Variants in DLG2 observed in about 807,000 individuals in gnomAD.
DLG2 encodes disks large homolog 2.
In DLG2, 45 loss-of-function variants were observed where a neutral mutation model predicts 132.5. The observed-to-expected ratio is 0.34, with a 90% confidence interval of 0.27 to 0.44. The LOEUF is 0.44. DLG2 is among the 20% of genes least tolerant of loss of function. The pLI is 1.00. For synonymous variants in DLG2, 424 were observed against 419.6 expected, an observed-to-expected ratio of 1.01 and a Z score of -0.13; for missense variants, 1,045 against 1,196.9, an observed-to-expected ratio of 0.87 and a Z score of 1.87.
At chr11:85,542,596 A>C (rs538395216) in intron 3 of DLG2, among the ~76,000 whole-genome samples, 1 of 152,342 alleles carries the variant, frequency 6.6e-6, no homozygotes, top group East Asian at 1.9e-4. Flanking sequence ...CAATACAAAG[A>C]ATCCTGACTT....
chr11:83,798,708 A>G (rs2043499489), intron 17 of DLG2, among the ~76,000 whole-genome samples: 1 of 152,158 alleles, frequency 6.6e-6, no homozygotes, highest in Non-Finnish European at 1.5e-5. Flanking sequence ...CAGGGAAGAA[A>G]TTGGTGTAGG....
intron 4 of DLG2, among the ~76,000 whole-genome samples, chr11:85,161,830 A>C (rs1439478666): frequency 1.3e-5 from 2 of 152,178 alleles, no homozygotes; most frequent in African/African-American, 4.8e-5. Context: ...CAAAGTTCTC[A>C]AGAAGGCTTT....
intron 6 of DLG2, among the ~76,000 whole-genome samples, chr11:84,792,244 G>A (rs1001285437): frequency 6.6e-6 from 1 of 152,200 alleles, no homozygotes; most frequent in East Asian, 1.9e-4. Context: ...TGATTGATTT[G>A]TATATGTTGA....
intron 4 of DLG2, among the ~76,000 whole-genome samples, chr11:85,176,272 A>G (rs2079234638): frequency 1.3e-5 from 2 of 152,186 alleles, no homozygotes; most frequent in South Asian, 4.1e-4. Context: ...AGACACCTAG[A>G]GCAATGGAAC....
At chr11:85,379,897 CT>C (rs1565403953) in intron 3 of DLG2, among the ~76,000 whole-genome samples, 1 of 152,104 alleles carries the variant, frequency 6.6e-6, no homozygotes, top group Non-Finnish European at 1.5e-5. Context: ...AGCTGTTTCT[CT>C]TTTTTTATAT....
intron 11 of DLG2, among the ~76,000 whole-genome samples, chr11:83,982,477 G>A (rs376729914): frequency 8.2e-5 from 9 of 110,026 alleles, no homozygotes; most frequent in East Asian, 5.7e-4. Context: ...AAAGTTTAAC[G>A]TGTAAAAAAA....
intron 6 of DLG2, among the ~76,000 whole-genome samples, chr11:84,805,913 G>A (rs2075942458): frequency 6.6e-6 from 1 of 152,026 alleles, no homozygotes; most frequent in Non-Finnish European, 1.5e-5. Context: ...GCTTCAAAGA[G>A]CAATTTTGAA....
At chr11:85,056,788 A>G (rs765933438) in intron 6 of DLG2, among the ~76,000 whole-genome samples, 89 of 152,150 alleles carry the variant, frequency 5.8e-4, no homozygotes, top group Non-Finnish European at 1.0e-3. Context: ...CACTGGCAGC[A>G]ATAATGAAAG....
intron 4 of DLG2, among the ~76,000 whole-genome samples, chr11:85,235,483 G>T (rs1340853831): frequency 2.0e-5 from 3 of 151,898 alleles, no homozygotes; most frequent in African/African-American, 7.2e-5. Context: ...AGAAGTACAA[G>T]CAAAATTCAT....
chr11:84,046,018 G>A (rs2096235568), intron 11 of DLG2, among the ~76,000 whole-genome samples: 1 of 151,554 alleles, frequency 6.6e-6, no homozygotes, highest in African/African-American at 2.4e-5. Context: ...CAAGTGAACA[G>A]CTACCATTAG....
At chr11:84,485,008 G>A (rs1456957700) in intron 7 of DLG2, among the ~76,000 whole-genome samples, 1 of 152,140 alleles carries the variant, frequency 6.6e-6, no homozygotes, top group African/African-American at 2.4e-5. Context: ...TAAAAGCCAT[G>A]TAAGGTAAAT....
chr11:85,366,334 A>G (rs1230717362), intron 3 of DLG2, among the ~76,000 whole-genome samples: 1 of 152,138 alleles, frequency 6.6e-6, no homozygotes, highest in Admixed American at 6.5e-5. Context: ...ACTAAATAGA[A>G]TGTAGCTTTT....
chr11:84,616,116 G>A (rs2099604008), intron 6 of DLG2, among the ~76,000 whole-genome samples: 1 of 151,996 alleles, frequency 6.6e-6, no homozygotes, highest in Admixed American at 6.6e-5. Context: ...GGTCAGAGAA[G>A]GCTAATCTAA....
chr11:85,183,336 A>G (rs1235397042), intron 4 of DLG2, among the ~76,000 whole-genome samples: 1 of 151,882 alleles, frequency 6.6e-6, no homozygotes, highest in Non-Finnish European at 1.5e-5. Context: ...ACAACAATCT[A>G]GTATTCATAA....
chr11:84,983,589 T>C (rs2056076359), intron 6 of DLG2, among the ~76,000 whole-genome samples: 2 of 152,198 alleles, frequency 1.3e-5, no homozygotes, highest in Admixed American at 1.3e-4. Context: ...AACAAGGTTC[T>C]TTAACACTCC....
At chr11:84,101,765 C>T (rs779590900) in intron 9 of DLG2, among the ~76,000 whole-genome samples, 3 of 151,998 alleles carry the variant, frequency 2.0e-5, no homozygotes, top group Admixed American at 6.6e-5. Context: ...CTGTAGTTAG[C>T]ATCTCAGGGA....
At chr11:84,905,608 T>C (rs1021203389) in intron 6 of DLG2, among the ~76,000 whole-genome samples, 3 of 152,182 alleles carry the variant, frequency 2.0e-5, no homozygotes, top group Non-Finnish European at 4.4e-5. Context: ...CGTCAATAAA[T>C]GGAACTTTGC....
At chr11:83,779,118 A>G (rs1306953062) in intron 18 of DLG2, among the ~76,000 whole-genome samples, 2 of 152,206 alleles carry the variant, frequency 1.3e-5, no homozygotes, top group East Asian at 3.8e-4. Flanking sequence ...TAATTAGAAC[A>G]TAATTAATGT....
At chr11:84,775,797 C>T (rs1392664141) in intron 6 of DLG2, among the ~76,000 whole-genome samples, 1 of 152,126 alleles carries the variant, frequency 6.6e-6, no homozygotes, top group Non-Finnish European at 1.5e-5. Flanking sequence ...GGGTACTATG[C>T]TTGCTCTTTG....
Sources: allele counts gnomAD v4.1 joint callset (sites outside exome capture counted in the v4.1 genomes callset), GRCh38; gene constraint gnomAD v4.1.1; transcripts MANE v1.5; gene names NCBI Gene and HGNC (gene_info 2026-07-23, HGNC 2026-07-21).